CHST6: variants seen among roughly 807,000 people sequenced by gnomAD.
CHST6 encodes N-acetylglucosamine 6-O-sulfotransferase 5.
For synonymous variants in CHST6, 309 were observed against 276.4 expected, an observed-to-expected ratio of 1.12 and a Z score of -1.17; for missense variants, 698 against 586.2, an observed-to-expected ratio of 1.19 and a Z score of -1.97.
chr16:75,490,566 A>C (rs967441299), intron 1 of CHST6: 2 of 152,206 alleles, frequency 1.3e-5, no homozygotes, highest in African/African-American at 4.8e-5. Context: ...ATCCACCAAG[A>C]AGGTTACAAT....
In CHST6 at chr16:75,479,357, A is replaced by G; in HGVS notation, c.472T>C (p.Phe158Leu). Reference protein sequence around the residue: ...VCKPLCARQSFTLAREACRSY... With the variant: ...VCKPLCARQSLTLAREACRSY... The stretch of plus-strand genomic sequence containing the variant: ...CGGCAGGCCTCCCGGGCCAGGGTGA[A>G]GGACTGCCGCGCGCACAGTGGCTTG... The change falls in exon 3 of 3, where the codon TTC (phenylalanine) becomes CTC (leucine). Residue 158 changes from phenylalanine to leucine, a missense_variant. Coordinates refer to ENST00000332272, the MANE Select transcript of CHST6 (RefSeq NM_021615.5). 6.2e-7 allele frequency: 1 copy of G among 1,612,748 alleles called. No individual in the cohort carries two copies. The highest frequency in any genetic ancestry group is 8.5e-7 in the Non-Finnish European group (1 of 1,179,780).
intron 1 of CHST6, among the ~76,000 whole-genome samples, chr16:75,488,937 G>A (rs2080229616): frequency 6.6e-6 from 1 of 151,892 alleles, no homozygotes; most frequent in South Asian, 2.1e-4. Flanking sequence ...GATGGAAGGT[G>A]AGTGTTCATG....
intron 1 of CHST6, among the ~76,000 whole-genome samples, chr16:75,487,868 C>A (rs2080218072): frequency 6.7e-6 from 1 of 150,244 alleles, no homozygotes; most frequent in Non-Finnish European, 1.5e-5. Flanking sequence ...TGGTGGTGGG[C>A]ACCTGTAATC....
At chr16:75,481,638 A>G (rs943423773) in intron 2 of CHST6, among the ~76,000 whole-genome samples, 179 bp downstream of exon 2, 5 of 152,170 alleles carry the variant, frequency 3.3e-5, no homozygotes, top group African/African-American at 9.7e-5. Flanking sequence ...GACAAAGAAC[A>G]CCAATTGTTG....
In CHST6 at chr16:75,474,486, G is replaced by A. The variant is rs114790233; in HGVS notation, c.*4155C>T. ...AGATGGGGTCTCACTATGTTGCCCA[G>A]GCTGGTCTTGAGTGCCTGGTCTCAA... On this transcript the variant is annotated 3_prime_UTR_variant, in exon 3 of 3. Transcript: ENST00000332272. 653 of 396,952 alleles carry A rather than the reference G, an allele frequency of 1.6e-3. 3 individuals carry two copies. Among genetic ancestry groups the A allele is most frequent in the African/African-American group, 0.012 (606 of 48,702 alleles). 24.6% of individuals were successfully genotyped at this position (396,952 alleles called of 1,614,324 possible). A position where few individuals can be genotyped will look rare whatever the true frequency, so the allele number is the denominator to read the frequency against.
intron 1 of CHST6, among the ~76,000 whole-genome samples, 194 bp from the exon 2 acceptor site, chr16:75,482,085 C>T (rs1382304751): frequency 6.6e-6 from 1 of 152,140 alleles, no homozygotes; most frequent in Non-Finnish European, 1.5e-5. Context: ...CACACATGCC[C>T]CCATTACTGT....
At position 75,476,828 on chromosome 16, in the gene CHST6, T is replaced by C. The variant is rs2080071385; in HGVS notation, c.*1813A>G. The C allele has an allele frequency of 6.7e-6, 1 of 148,294 alleles. No homozygotes were observed. The highest frequency in any genetic ancestry group is 1.5e-5 in the Non-Finnish European group (1 of 67,424). 9.2% of individuals were successfully genotyped at this position (148,294 alleles called of 1,614,324 possible). A position where few individuals can be genotyped will look rare whatever the true frequency, so the allele number is the denominator to read the frequency against. ...GGCGTGATCTTGGCTCACTGCAACC[T>C]CCGCCTCCTGGGTTCAAGCGATTCT... On this transcript the variant is annotated 3_prime_UTR_variant, in exon 3 of 3. Coordinates refer to ENST00000332272, the MANE Select transcript of CHST6 (RefSeq NM_021615.5).
chr16:75,491,190 A>AAAAAAAAAAATAT (rs1206595857), intron 1 of CHST6, among the ~76,000 whole-genome samples: 4 of 50,092 alleles, frequency 8.0e-5, no homozygotes, highest in African/African-American at 2.2e-4. Flanking sequence ...AAAAAAAAAA[A>AAAAAAAAAAATAT]ATATATATAT....
At chr16:75,487,543 G>A (rs999500965) in intron 1 of CHST6, among the ~76,000 whole-genome samples, 1 of 152,114 alleles carries the variant, frequency 6.6e-6, no homozygotes, top group East Asian at 1.9e-4. Context: ...GCTCACGCCT[G>A]TAATCATAGC....
rs1597488747 is a variant in CHST6, at chr16:75,495,345, T to G, written c.-497A>C. On this transcript the variant is annotated 5_prime_UTR_variant, in exon 1 of 3. Transcript: ENST00000332272. ...CGGCACTGCGGCCCGCGCCCTCTACTCCCCGCGCGCCGGCCGGCAACCCTC... is the reference window on the plus strand; with the variant it reads ...CGGCACTGCGGCCCGCGCCCTCTACGCCCCGCGCGCCGGCCGGCAACCCTC... The G allele has an allele frequency of 6.6e-6, 1 of 152,446 alleles. No individual in the cohort carries two copies. The highest frequency in any genetic ancestry group is 1.9e-4 in the East Asian group (1 of 5,140). 9.4% of individuals were successfully genotyped at this position (152,446 alleles called of 1,614,324 possible). A position where few individuals can be genotyped will look rare whatever the true frequency, so the allele number is the denominator to read the frequency against.
chr16:75,485,809 G>T (rs985775194), intron 1 of CHST6, among the ~76,000 whole-genome samples: 3 of 152,086 alleles, frequency 2.0e-5, no homozygotes, highest in Non-Finnish European at 4.4e-5. Flanking sequence ...GCTATGTGAC[G>T]GTCAAGGGAC....
rs1172904274 is a variant in CHST6, at chr16:75,475,114, A to AG, written c.*3526_*3527insC. On this transcript the variant is annotated 3_prime_UTR_variant, in exon 3 of 3. Transcript: ENST00000332272. Reference sequence around the variant, plus strand: ...CCTGCGCCCAGAAATAATGTTCTCTACCCATTCACAAGGGCATAACCCGCA... The same window carrying AG: ...CCTGCGCCCAGAAATAATGTTCTCTAGCCCATTCACAAGGGCATAACCCGCA... 2 of 155,962 alleles carry AG rather than the reference A, an allele frequency of 1.3e-5. No individual in the cohort carries two copies. Among genetic ancestry groups the AG allele is most frequent in the African/African-American group, 4.8e-5 (2 of 41,610 alleles). 9.7% of individuals were successfully genotyped at this position (155,962 alleles called of 1,614,324 possible). A position where few individuals can be genotyped will look rare whatever the true frequency, so the allele number is the denominator to read the frequency against.
At position 75,478,508 on chromosome 16, in the gene CHST6, A is replaced by G; in HGVS notation, c.*133T>C. 1 of 863,980 alleles carries G rather than the reference A, an allele frequency of 1.2e-6. No homozygotes were observed. Among genetic ancestry groups the G allele is most frequent in the Non-Finnish European group, 1.9e-6 (1 of 521,708 alleles). The allele number at this position is 863,980 out of a possible 1,614,324, so 53.5% of individuals were successfully genotyped here. ...AGAAAGAAACGTGCAGTCCTTGCCTACTTGGGGAGGGGGAGGGGTCGTACC... is the reference window on the plus strand; with the variant it reads ...AGAAAGAAACGTGCAGTCCTTGCCTGCTTGGGGAGGGGGAGGGGTCGTACC... On this transcript the variant is annotated 3_prime_UTR_variant, in exon 3 of 3. Transcript: ENST00000332272.
At chr16:75,486,097 C>G (rs1227368152) in intron 1 of CHST6, among the ~76,000 whole-genome samples, 1 of 152,216 alleles carries the variant, frequency 6.6e-6, no homozygotes, top group Admixed American at 6.5e-5. Context: ...TCTCCCAACT[C>G]CCTCACCCAT....
In CHST6 at chr16:75,477,575, C is replaced by T. The variant is rs1313725541; in HGVS notation, c.*1066G>A. 6.6e-6 allele frequency: 1 copy of T among 152,318 alleles called. No homozygotes were observed. The highest frequency in any genetic ancestry group is 1.5e-5 in the Non-Finnish European group (1 of 68,098). The allele number at this position is 152,318 out of a possible 1,614,324, so 9.4% of individuals were successfully genotyped here. On this transcript the variant is annotated 3_prime_UTR_variant, in exon 3 of 3. Transcript: ENST00000332272. ...CTTTCCAGAGGTTCCATGAGCTCTT[C>T]TTTTAAACATGTACTGGGCACTTAT...
intron 1 of CHST6, among the ~76,000 whole-genome samples, chr16:75,489,165 G>A (rs187459351): frequency 7.2e-5 from 11 of 151,822 alleles, no homozygotes; most frequent in African/African-American, 7.3e-5. Flanking sequence ...TTGGGAGGCC[G>A]AGGCGGGCGG....
rs778049149 is a variant in CHST6 at position 75,478,652 on chromosome 16, G to A, written c.1177C>T (p.Pro393Ser). 1.1e-5 allele frequency: 18 copies of A among 1,613,660 alleles called. No individual in the cohort carries two copies. Among genetic ancestry groups the A allele is most frequent in the Non-Finnish European group, 1.5e-5 (18 of 1,179,982 alleles). ...AACTGTGGCCTCCACTAATTTCGGG[G>A]GTGCGAGGCGGTGGATGATGCCCAA... is the stretch of plus-strand genomic sequence containing the variant. ...FTWASSTASH[P>S]RN The change falls in exon 3 of 3, where the codon CCC (proline) becomes TCC (serine). Residue 393 changes from proline (P) to serine (S), a missense_variant. By Grantham distance (74) the Pro-to-Ser change is moderately conservative. Coordinates refer to ENST00000332272, the MANE Select transcript of CHST6 (RefSeq NM_021615.5).
intron 1 of CHST6, among the ~76,000 whole-genome samples, chr16:75,491,176 AAAAAAAAAAAAAAAATAT>A (rs1283495338): frequency 1.6e-4 from 12 of 75,008 alleles, no homozygotes; most frequent in African/African-American, 6.5e-4. Context: ...AAAAAAAAAA[AAAAAAAAAAAAAAAATAT>A]ATATATATAT....
At chr16:75,485,623 T>C (rs946109023) in intron 1 of CHST6, among the ~76,000 whole-genome samples, 1 of 152,118 alleles carries the variant, frequency 6.6e-6, no homozygotes, top group East Asian at 1.9e-4. Context: ...ATTAGAAACG[T>C]TGAAAGAAAA....
Sources: gnomAD v4.1 joint callset for allele counts (sites outside exome capture counted in the v4.1 genomes callset) on GRCh38, gnomAD v4.1.1 for gene constraint, MANE v1.5 for transcripts, NCBI Gene and HGNC (gene_info 2026-07-23, HGNC 2026-07-21) for gene names.